The following LRP1B variants were observed in gnomAD, a reference collection of about 807,000 sequenced individuals.
LRP1B encodes the protein low-density lipoprotein receptor-related protein 1B.
Under a neutral mutation model 556.6 loss-of-function variants are expected in LRP1B, and 217 were observed. The observed-to-expected ratio is 0.39, with a 90% confidence interval of 0.35 to 0.44. LRP1B has a LOEUF of 0.44. LRP1B is among the 20% of genes least tolerant of loss of function. The probability of loss-of-function intolerance (pLI) is 1.00; values close to 1 mark genes in which losing one functional copy is unlikely to be tolerated. For synonymous variants in LRP1B, 2,047 were observed against 1,865.8 expected (o/e 1.10, Z -2.50); for missense variants, 5,053 against 5,620.8 (o/e 0.90, Z 3.23).
chr2:140,908,329 C>T (rs1392226429), intron 21 of LRP1B, among the ~76,000 whole-genome samples: 2 of 134,764 alleles, frequency 1.5e-5, no homozygotes, highest in Non-Finnish European at 3.1e-5. Flanking sequence ...TGCTCTCTCT[C>T]TCTCTATATA....
chr2:140,941,491 A>C (rs1056011694), intron 20 of LRP1B, among the ~76,000 whole-genome samples: 2 of 152,164 alleles, frequency 1.3e-5, no homozygotes, highest in Admixed American at 6.5e-5. Context: ...GCAAGGGAGC[A>C]TAACTGTGTA....
chr2:140,700,477 T>C lies in LRP1B; in HGVS notation c.6572A>G (p.Tyr2191Cys). ...ACTTTTTAATATTGTTCTTCCTGAA[T>C]ACAGTAAATAGCCTTCATGCCTCAG... ...TCLRHEGYLL[Y>C]SGRTILKSIH... Residue 2191 changes from tyrosine to cysteine, a missense_variant, in exon 41 of 91, where the codon TAT becomes TGT. This residue lies in a region of LRP1B where 3,619 missense variants were observed against 3,931.9 expected (regional missense o/e 0.92). Transcript: ENST00000389484. The C allele has an allele frequency of 6.2e-7, 1 of 1,613,530 alleles. No individual in the cohort carries two copies. Among genetic ancestry groups the C allele is most frequent in the South Asian group, 1.1e-5 (1 of 91,070 alleles).
intron 81 of LRP1B, among the ~76,000 whole-genome samples, chr2:140,323,297 A>T (rs760149459): frequency 6.6e-5 from 10 of 151,846 alleles, no homozygotes; most frequent in Non-Finnish European, 1.0e-4. Context: ...TGACTTACCC[A>T]CTCCTTTCTA....
At chr2:141,675,045 GT>G (rs1690823454) in intron 2 of LRP1B, among the ~76,000 whole-genome samples, 1 of 151,562 alleles carries the variant, frequency 6.6e-6, no homozygotes, top group Admixed American at 6.6e-5. Flanking sequence ...AGAAACTTTT[GT>G]TTTTATTTTT....
chr2:141,473,902 A>C (rs1474517351), intron 3 of LRP1B, among the ~76,000 whole-genome samples: 1 of 151,816 alleles, frequency 6.6e-6, no homozygotes, highest in Non-Finnish European at 1.5e-5. Flanking sequence ...ATTTTAATGA[A>C]ATTTTTAAAA....
At chr2:140,530,533 A>G (rs999013179) in intron 47 of LRP1B, among the ~76,000 whole-genome samples, 1 of 152,122 alleles carries the variant, frequency 6.6e-6, no homozygotes, top group Non-Finnish European at 1.5e-5. Flanking sequence ...CTCTACAAGG[A>G]CACTATGTTA....
At chr2:140,427,529 C>T (rs1278041410) in intron 66 of LRP1B, among the ~76,000 whole-genome samples, 3 of 152,126 alleles carry the variant, frequency 2.0e-5, no homozygotes, top group Admixed American at 6.5e-5. Context: ...AATACAAACT[C>T]GACAGTAGTT....
intron 3 of LRP1B, among the ~76,000 whole-genome samples, chr2:141,328,072 T>A (rs935188491): frequency 6.6e-6 from 1 of 152,188 alleles, no homozygotes; most frequent in East Asian, 1.9e-4. Context: ...GTCATCCAGA[T>A]ACATGGTTAG....
intron 1 of LRP1B, among the ~76,000 whole-genome samples, chr2:142,065,238 T>G (rs1442498799): frequency 8.6e-5 from 13 of 151,484 alleles, no homozygotes; most frequent in Non-Finnish European, 1.8e-4. Flanking sequence ...ATCTTACATT[T>G]CAGAAATCTG....
intron 18 of LRP1B, among the ~76,000 whole-genome samples, chr2:140,975,478 C>G (rs1032518043): frequency 3.4e-4 from 11 of 31,950 alleles, no homozygotes; most frequent in Admixed American, 2.6e-3. Flanking sequence ...GCCTGAAGAG[C>G]TAAAGTTATA....
chr2:141,377,904 G>C (rs1689497827), intron 3 of LRP1B, among the ~76,000 whole-genome samples: 1 of 152,094 alleles, frequency 6.6e-6, no homozygotes, highest in Non-Finnish European at 1.5e-5. Flanking sequence ...CCTATATAAA[G>C]ACAGCACCAA....
intron 66 of LRP1B, among the ~76,000 whole-genome samples, chr2:140,441,607 G>T (rs1394091890): frequency 6.6e-6 from 1 of 152,068 alleles, no homozygotes; most frequent in Non-Finnish European, 1.5e-5. Context: ...GCACTTAAAG[G>T]TTTTTCATTA....
intron 43 of LRP1B, among the ~76,000 whole-genome samples, chr2:140,595,100 A>ATATC (rs1682382847): frequency 9.0e-5 from 3 of 33,432 alleles, no homozygotes; most frequent in African/African-American, 2.8e-4. Flanking sequence ...ATATATATAT[A>ATATC]TATATATATA....
At chr2:141,042,852 G>A (rs1043988685) in intron 11 of LRP1B, among the ~76,000 whole-genome samples, 2 of 151,796 alleles carry the variant, frequency 1.3e-5, no homozygotes, top group Non-Finnish European at 2.9e-5. Context: ...TGCCAAACTT[G>A]CATCTAATTA....
At chr2:141,095,364 G>A (rs913361517) in intron 7 of LRP1B, among the ~76,000 whole-genome samples, 1 of 56,194 alleles carries the variant, frequency 1.8e-5, no homozygotes, top group African/African-American at 5.2e-5. Context: ...GAGAAACAAT[G>A]TGAGTTACCA....
chr2:141,184,562 A>G (rs1285363019), intron 7 of LRP1B, among the ~76,000 whole-genome samples: 4 of 151,082 alleles, frequency 2.6e-5, no homozygotes, highest in East Asian at 2.0e-4. Flanking sequence ...CTTTTTTTCA[A>G]TCGTGCTTCT....
intron 1 of LRP1B, among the ~76,000 whole-genome samples, chr2:142,017,370 T>C (rs1272296086): frequency 6.6e-6 from 1 of 152,190 alleles, no homozygotes; most frequent in East Asian, 1.9e-4. Context: ...ATTTACGTAA[T>C]ATATTTTAAT....
In LRP1B at chr2:140,606,351, C is replaced by T. The variant is rs140357719; in HGVS notation, c.6800-4712G>A. On this transcript the variant is annotated intron_variant, in intron 41 of 90. Coordinates refer to ENST00000389484, the MANE Select transcript of LRP1B (RefSeq NM_018557.3). ...AAACATATGCACCCAAACTACAGCACATCATTGAAAGAAGCTAAGGATTTT... is the reference window on the plus strand; with the variant it reads ...AAACATATGCACCCAAACTACAGCATATCATTGAAAGAAGCTAAGGATTTT... Among the ~76,000 whole-genome samples, 1,262 of 151,870 alleles carry T rather than the reference C, an allele frequency of 8.3e-3. 16 individuals are homozygous for T. Among genetic ancestry groups the T allele is most frequent in the Middle Eastern group, 0.041 (12 of 294 alleles).
At chr2:140,494,477 C>T (rs1688829250) in intron 56 of LRP1B, among the ~76,000 whole-genome samples, 1 of 151,912 alleles carries the variant, frequency 6.6e-6, no homozygotes, top group Non-Finnish European at 1.5e-5. Context: ...TGGTGGCGGG[C>T]ACCTGTAGTC....
Sources: gnomAD v4.1 joint callset for allele counts (sites outside exome capture counted in the v4.1 genomes callset) on GRCh38, gnomAD v4.1.1 for gene constraint, gnomAD v4.1.1 regional missense constraint, MANE v1.5 for transcripts, NCBI Gene and HGNC (gene_info 2026-07-23, HGNC 2026-07-21) for gene names.